The following ITGAX variants were observed in gnomAD, a reference collection of about 807,000 sequenced individuals.
The protein encoded by ITGAX is integrin alpha-X.
A neutral mutation model predicts 140.2 loss-of-function variants in ITGAX; 99 were observed. That is an observed-to-expected ratio of 0.71 (90% CI 0.60 to 0.83). The LOEUF (loss-of-function observed/expected upper bound fraction) is 0.83. ITGAX is among the 40% of genes least tolerant of loss of function. The pLI is 0.00. For synonymous variants in ITGAX, 631 were observed against 600.4 expected, an observed-to-expected ratio of 1.05 and a Z score of -0.75; for missense variants, 1,444 against 1,482.0, an observed-to-expected ratio of 0.97 and a Z score of 0.42.
At chr16:31,380,434 G>C in intron 27 of ITGAX, 55 bp downstream of exon 27, 1 of 1,611,046 alleles carries the variant, frequency 6.2e-7, no homozygotes, top group South Asian at 1.1e-5. Context: ...GACCTGGCAT[G>C]TCTGTGCCCA....
chr16:31,359,927 T>C lies in ITGAX; in HGVS notation c.569T>C (p.Leu190Pro). 1 of 1,614,122 alleles carries C rather than the reference T, an allele frequency of 6.2e-7. No individual in the cohort carries two copies. Among genetic ancestry groups the C allele is most frequent in the South Asian group, 1.1e-5 (1 of 91,086 alleles). The change falls in exon 7 of 30, where the codon CTG becomes CCG. Residue 190 changes from leucine (L) to proline (P), a missense_variant. Coordinates refer to ENST00000268296, the MANE Select transcript of ITGAX (RefSeq NM_000887.5). The part of the protein sequence containing the change: ...QFQRPSTQFS[L>P]MQFSNKFQTH... ...CCTGTGTGCTTCTCCCAGTTTTCCC[T>C]GATGCAGTTCTCCAACAAATTCCAA...
At chr16:31,380,181 C>A in intron 26 of ITGAX, 85 bp from the exon 27 acceptor site, 1 of 1,524,208 alleles carries the variant, frequency 6.6e-7, no homozygotes. Flanking sequence ...CGGATATGGC[C>A]GCTGCCCTCA....
At position 31,381,991 on chromosome 16, in the gene ITGAX, C is replaced by G. The variant is rs2081073383; in HGVS notation, c.*84C>G. 1.4e-6 allele frequency: 2 copies of G among 1,456,140 alleles called. No individual in the cohort carries two copies. Among genetic ancestry groups the G allele is most frequent in the East Asian group, 2.5e-5 (1 of 40,226 alleles). The allele number at this position is 1,456,140 out of a possible 1,614,324, so 90.2% of individuals were successfully genotyped here. ...ACCTGTCAGGCCTGACGGGGAGGAA[C>G]CACTGCACCACCGAGAGAGGCTGGG... On this transcript the variant is annotated 3_prime_UTR_variant, in exon 30 of 30. Transcript: ENST00000268296.
In ITGAX at chr16:31,361,843, G is replaced by A. The variant is rs2230425; in HGVS notation, c.1020G>A (p.Glu340=). Residue 340 remains glutamate, a synonymous_variant, in exon 10 of 30, where the codon GAG becomes GAA. Coordinates refer to ENST00000268296, the MANE Select transcript of ITGAX (RefSeq NM_000887.5). Reference sequence around the variant, plus strand: ...CGTCATGCCTTCCCCCAGGTACGGAGACCACAAGCAGTAGCTCCTTCGAAT... The same window carrying A: ...CGTCATGCCTTCCCCCAGGTACGGAAACCACAAGCAGTAGCTCCTTCGAAT... The part of the protein sequence containing the change: ...KEKIFAIEGT[E]TTSSSSFELE... The A allele has an allele frequency of 5.3e-4, 861 of 1,614,050 alleles. 2 individuals carry two copies. The African/African-American group carries it at 9.7e-3, about 18-fold the overall frequency.
intron 2 of ITGAX, chr16:31,356,390 A>G: frequency 2.0e-6 from 1 of 489,738 alleles, no homozygotes; most frequent in Non-Finnish European, 3.7e-6. Flanking sequence ...TCAGCCTCCC[A>G]AAGTGCTGGG....
chr16:31,371,772 C>A lies in ITGAX; in HGVS notation c.2148C>A (p.Asn716Lys), dbSNP rs936358305. 6.2e-7 allele frequency: 1 copy of A among 1,613,868 alleles called. No individual in the cohort carries two copies. The highest frequency in any genetic ancestry group is 1.3e-5 in the African/African-American group (1 of 74,930). The change falls in exon 17 of 30, where the codon AAC (asparagine) becomes AAA (lysine). Residue 716 changes from asparagine to lysine, a missense_variant. By Grantham distance (94) the Asn-to-Lys change is moderately conservative. Transcript: ENST00000268296. ...TGAAGGCACACTGTGAAAACTTCAA[C>A]CTGCTGCTCCCGGTGCGTCTGGGCA... ...LGLKAHCENF[N>K]LLLPSCVEDS...
At chr16:31,355,858 C>T in intron 1 of ITGAX, 35 bp from the exon 2 acceptor site, 2 of 1,523,096 alleles carry the variant, frequency 1.3e-6, no homozygotes, top group Non-Finnish European at 1.8e-6. Context: ...GAAGGAAGAC[C>T]CTTCTCCAAA....
intron 19 of ITGAX, 94 bp downstream of exon 19, chr16:31,372,764 C>T: frequency 8.0e-7 from 1 of 1,242,940 alleles, no homozygotes; most frequent in Non-Finnish European, 1.2e-6. Flanking sequence ...ATTGTCTCAT[C>T]CTATAGTCAA....
intron 19 of ITGAX, among the ~76,000 whole-genome samples, 190 bp from the exon 20 acceptor site, chr16:31,373,059 C>T (rs2080986224): frequency 6.6e-6 from 1 of 151,716 alleles, no homozygotes; most frequent in African/African-American, 2.4e-5. Flanking sequence ...CACCACTGCA[C>T]TCCAGCCTGG....
chr16:31,375,521 A>G (rs1311761032), intron 20 of ITGAX, among the ~76,000 whole-genome samples: 2 of 152,254 alleles, frequency 1.3e-5, no homozygotes, highest in African/African-American at 4.8e-5. Context: ...ACAGACAAAG[A>G]CACACTCTAT....
intron 14 of ITGAX, chr16:31,369,846 CGCAATCAT>C (rs2080937218): frequency 6.6e-6 from 1 of 151,746 alleles, no homozygotes; most frequent in Non-Finnish European, 1.5e-5. Context: ...AGTTCAGTGG[CGCAATCAT>C]AGCTGACTGC....
intron 1 of ITGAX, 47 bp from the exon 2 acceptor site, chr16:31,355,846 C>A: frequency 7.0e-7 from 1 of 1,431,846 alleles, no homozygotes. Flanking sequence ...GGCAGCCAGG[C>A]AGAAGGAAGA....
chr16:31,369,175 T>C (rs544629937), intron 14 of ITGAX, among the ~76,000 whole-genome samples: 6,081 of 151,042 alleles, frequency 0.04, 332 homozygotes, highest in African/African-American at 0.14. Flanking sequence ...CACTTCCCAG[T>C]AGGGGCGGCC....
At chr16:31,366,348 T>C (rs1292693654) in intron 14 of ITGAX, among the ~76,000 whole-genome samples, 4 of 152,206 alleles carry the variant, frequency 2.6e-5, no homozygotes, top group Non-Finnish European at 5.9e-5. Context: ...GCGAACTTCA[T>C]AAATGTGTGT....
rs781582761 is a variant in ITGAX at position 31,379,713 on chromosome 16, T to C, written c.2869-44T>C. The C allele has an allele frequency of 2.5e-6, 4 of 1,597,738 alleles. No individual in the cohort carries two copies. In the South Asian group the frequency reaches 4.5e-5, roughly 18 times the overall value. ...CTGGGAGCCGGAGACTGGGGAGGGATTTGGGCTTTGGCGTGGGCTCTGCCC... is the reference window on the plus strand; with the variant it reads ...CTGGGAGCCGGAGACTGGGGAGGGACTTGGGCTTTGGCGTGGGCTCTGCCC... On this transcript the variant is annotated intron_variant, in intron 24 of 29. Coordinates refer to ENST00000268296, the MANE Select transcript of ITGAX (RefSeq NM_000887.5).
At position 31,382,020 on chromosome 16, in the gene ITGAX, G is replaced by T; in HGVS notation, c.*113G>T. 1 of 1,467,256 alleles carries T rather than the reference G, an allele frequency of 6.8e-7. No individual in the cohort carries two copies. The highest frequency in any genetic ancestry group is 1.4e-5 in the South Asian group (1 of 72,672). 90.9% of individuals were successfully genotyped at this position (1,467,256 alleles called of 1,614,324 possible). A position where few individuals can be genotyped will look rare whatever the true frequency, so the allele number is the denominator to read the frequency against. ...TGCACCACCGAGAGAGGCTGGGATG[G>T]GCCTGCTTCCTGTCTTTGGGAGAAA... On this transcript the variant is annotated 3_prime_UTR_variant, in exon 30 of 30. Coordinates refer to ENST00000268296, the MANE Select transcript of ITGAX (RefSeq NM_000887.5).
chr16:31,361,444 C>T (rs2080824197), intron 9 of ITGAX: 2 of 678,158 alleles, frequency 2.9e-6, no homozygotes, highest in Admixed American at 2.4e-5. Context: ...TGATCTCACA[C>T]CACCACCGGC....
chr16:31,371,635 CT>C lies in ITGAX; in HGVS notation c.2012del (p.Leu671ProfsTer5). 6.2e-7 allele frequency: 1 copy of C among 1,614,152 alleles called. No homozygotes were observed. The highest frequency in any genetic ancestry group is 8.5e-7 in the Non-Finnish European group (1 of 1,180,028). On this transcript the variant is annotated frameshift_variant, in exon 17 of 30. Transcript: ENST00000268296. LOFTEE classifies it high-confidence loss of function. Reference sequence around the variant, plus strand: ...GTCCCTGCGACCGCCTACAGGTGACCTCCAAAGCTCTGTGACCTTGGACCTG... The same window carrying C: ...GTCCCTGCGACCGCCTACAGGTGACCCCAAAGCTCTGTGACCTTGGACCTG... The part of the protein sequence containing the change: ...RSKNLLGSRD[L>X]QSSVTLDLAL...
At chr16:31,362,840 TG>T in intron 12 of ITGAX, 87 bp downstream of exon 12, 1 of 1,604,932 alleles carries the variant, frequency 6.2e-7, no homozygotes, top group South Asian at 1.1e-5. Context: ...TTGAGGGCCT[TG>T]GGGGAGGTCC....
Sources: allele counts gnomAD v4.1 joint callset (sites outside exome capture counted in the v4.1 genomes callset), GRCh38; gene constraint gnomAD v4.1.1; transcripts MANE v1.5; gene names NCBI Gene and HGNC (gene_info 2026-07-23, HGNC 2026-07-21).